FARS2: variants seen among roughly 807,000 people sequenced by gnomAD.
FARS2 encodes phenylalanine--tRNA ligase, mitochondrial.
A neutral mutation model predicts 46.4 loss-of-function variants in FARS2; 40 were observed. That is an observed-to-expected ratio of 0.86 (90% CI 0.67 to 1.12). FARS2 has a LOEUF of 1.12. Ranked by LOEUF, FARS2 falls within the 50% of genes most tolerant of loss-of-function variation. FARS2 has a pLI of 0.00. For missense variants in FARS2, 513 were observed against 567.9 expected, an observed-to-expected ratio of 0.90 and a Z score of 0.98; for synonymous variants, 234 against 214.9, an observed-to-expected ratio of 1.09 and a Z score of -0.78.
rs573606968 is a variant in FARS2 at position 5,431,813 on chromosome 6, T to G, written c.904+641T>G. On this transcript the variant is annotated intron_variant, in intron 4 of 6. Coordinates refer to ENST00000274680, the MANE Select transcript of FARS2 (RefSeq NM_006567.5). The stretch of plus-strand genomic sequence containing the variant: ...AAAATGATGGCTTCTAAATGTAATT[T>G]CAGAGCTGTGAGGTTTCTTTTTAAG... 6.2e-4 allele frequency: 263 copies of G among 427,502 alleles called. 2 individuals are homozygous for G. The highest frequency in any genetic ancestry group is 4.9e-3 in the African/African-American group (241 of 48,962). The allele number at this position is 427,502 out of a possible 1,614,324, so 26.5% of individuals were successfully genotyped here. A position where few individuals can be genotyped will look rare whatever the true frequency, so the allele number is the denominator to read the frequency against.
At chr6:5,610,911 T>C (rs1248714520) in intron 5 of FARS2, among the ~76,000 whole-genome samples, 2 of 152,234 alleles carry the variant, frequency 1.3e-5, no homozygotes, top group Admixed American at 1.3e-4. Flanking sequence ...CGACGTGGTA[T>C]GTCCACTAGC....
intron 1 of FARS2, among the ~76,000 whole-genome samples, chr6:5,360,692 G>T (rs1758240763): frequency 6.6e-6 from 1 of 152,126 alleles, no homozygotes; most frequent in African/African-American, 2.4e-5. Context: ...GATAATGTGT[G>T]ACCTTGTCCC....
At chr6:5,409,278 A>G (rs923773882) in intron 3 of FARS2, among the ~76,000 whole-genome samples, 11 of 151,952 alleles carry the variant, frequency 7.2e-5, no homozygotes, top group African/African-American at 2.7e-4. Context: ...TGAAACCCCC[A>G]TCTCTACTAA....
Position 5,324,826 on chromosome 6 carries a change from A to G in FARS2, c.-21-43724A>G, listed in dbSNP as rs1176849719. On this transcript the variant is annotated intron_variant, in intron 1 of 6. Transcript: ENST00000274680. ...GTGCCCCAAGGTCACTGTGTACTTC[A>G]CACTGTGCAGGGAGAGAGAGTCACA... is the stretch of plus-strand genomic sequence containing the variant. Among the ~76,000 whole-genome samples, 4 of 152,126 alleles carry G rather than the reference A, an allele frequency of 2.6e-5. No individual in the cohort carries two copies. The East Asian group carries it at 5.8e-4, about 22-fold the overall frequency.
intron 5 of FARS2, among the ~76,000 whole-genome samples, chr6:5,579,458 G>T (rs908214914): frequency 6.6e-6 from 1 of 152,084 alleles, no homozygotes; most frequent in Non-Finnish European, 1.5e-5. Context: ...ATTTTTAGTA[G>T]AGATGGGATT....
chr6:5,466,939 C>T, intron 4 of FARS2: 1 of 985,400 alleles, frequency 1.0e-6, no homozygotes, highest in Non-Finnish European at 1.2e-6. Context: ...TCTCTCTTTA[C>T]TAGCACAGCC....
intron 1 of FARS2, among the ~76,000 whole-genome samples, chr6:5,321,381 G>T (rs1769962173): frequency 6.6e-6 from 1 of 152,196 alleles, no homozygotes; most frequent in African/African-American, 2.4e-5. Flanking sequence ...GATCTAGAAG[G>T]ATGGGTGGGG....
Position 5,619,377 on chromosome 6 carries a change from C to A in FARS2, c.1217+6057C>A, listed in dbSNP as rs142864081. Among the ~76,000 whole-genome samples, 41 of 152,172 alleles carry A rather than the reference C, an allele frequency of 2.7e-4. No individual in the cohort carries two copies. The East Asian group carries it at 3.1e-3, about 11-fold the overall frequency. On this transcript the variant is annotated intron_variant, in intron 6 of 6. Coordinates refer to ENST00000274680, the MANE Select transcript of FARS2 (RefSeq NM_006567.5). ...TTTGAAAGGGTGGATTCACTGATGC[C>A]CCTAACCCGATTCTGCTCATAGACT... is the stretch of plus-strand genomic sequence containing the variant.
At chr6:5,706,341 G>A (rs997321251) in intron 6 of FARS2, among the ~76,000 whole-genome samples, 3 of 152,284 alleles carry the variant, frequency 2.0e-5, no homozygotes, top group South Asian at 2.1e-4. Context: ...TGTGTTAGAC[G>A]ACAGCTCTCT....
chr6:5,515,476 T>C (rs1448270132), intron 4 of FARS2, among the ~76,000 whole-genome samples: 1 of 152,234 alleles, frequency 6.6e-6, no homozygotes, highest in African/African-American at 2.4e-5. Context: ...TCACCCAGGC[T>C]GGAGTGCAGT....
At chr6:5,415,430 C>T (rs1444359988) in intron 3 of FARS2, among the ~76,000 whole-genome samples, 2 of 150,698 alleles carry the variant, frequency 1.3e-5, no homozygotes, top group African/African-American at 4.9e-5. Flanking sequence ...TTCTCTCCCA[C>T]CTCAGCCTCC....
chr6:5,381,001 TATTTATTTATTTATTA>T lies in FARS2; in HGVS notation c.612+11820_612+11835del, dbSNP rs774760462. ...TTATTTATTTATTTATTTATTTATT[TATTTATTTATTTATTA>T]TGAGACAGAGTCTCGCTCTGTCGCC... On this transcript the variant is annotated intron_variant, in intron 2 of 6. Transcript: ENST00000274680. 1.6e-4 allele frequency among the ~76,000 whole-genome samples: 23 copies of T among 143,068 alleles called. 1 individual carries two copies. Among genetic ancestry groups the T allele is most frequent in the South Asian group, 1.6e-3 (7 of 4,434 alleles). The allele number at this position is 143,068 out of a possible 152,430, so 93.9% of individuals were successfully genotyped here.
At chr6:5,688,835 CT>C (rs1018858760) in intron 6 of FARS2, among the ~76,000 whole-genome samples, 83 of 152,132 alleles carry the variant, frequency 5.5e-4, no homozygotes, top group African/African-American at 1.7e-3. Flanking sequence ...TGGTCCTGGA[CT>C]TTTTTTGGTT....
rs552432530 is a variant in FARS2 at position 5,466,710 on chromosome 6, T to C, written c.904+35538T>C. ...GGGGAGCTGGATAAAAATGCCTGTTTCCTTCCAGAGAGTCGAATGCAAGGC... is the reference window on the plus strand; with the variant it reads ...GGGGAGCTGGATAAAAATGCCTGTTCCCTTCCAGAGAGTCGAATGCAAGGC... On this transcript the variant is annotated intron_variant, in intron 4 of 6. Coordinates refer to ENST00000274680, the MANE Select transcript of FARS2 (RefSeq NM_006567.5). 1.1e-5 allele frequency: 11 copies of C among 984,160 alleles called. No individual in the cohort carries two copies. The African/African-American group carries it at 1.7e-4, about 16-fold the overall frequency. 61.0% of individuals were successfully genotyped at this position (984,160 alleles called of 1,614,324 possible).
At position 5,431,178 on chromosome 6, in the gene FARS2, A is replaced by G; in HGVS notation, c.904+6A>G. Reference sequence around the variant, plus strand: ...ACAACAACTGGTCAATTCAGGTAAAAAAGAATCCCACATTTTATTTACACG... The same window carrying G: ...ACAACAACTGGTCAATTCAGGTAAAGAAGAATCCCACATTTTATTTACACG... On this transcript the variant is annotated splice_donor_region_variant and intron_variant, in intron 4 of 6. Coordinates refer to ENST00000274680, the MANE Select transcript of FARS2 (RefSeq NM_006567.5). 1 of 1,613,482 alleles carries G rather than the reference A, an allele frequency of 6.2e-7. No individual in the cohort carries two copies. Among genetic ancestry groups the G allele is most frequent in the Non-Finnish European group, 8.5e-7 (1 of 1,179,586 alleles).
chr6:5,622,160 G>T (rs776403292), intron 6 of FARS2, among the ~76,000 whole-genome samples: 2 of 152,166 alleles, frequency 1.3e-5, no homozygotes, highest in Non-Finnish European at 2.9e-5. Flanking sequence ...TCTCACTAGG[G>T]GCCACTTATA....
chr6:5,450,681 CGTGTGGGAGGTA>C (rs1364248509), intron 4 of FARS2, among the ~76,000 whole-genome samples: 1 of 69,510 alleles, frequency 1.4e-5, no homozygotes, highest in Non-Finnish European at 3.2e-5. Context: ...CCAGACTTGG[CGTGTGGGAGGTA>C]GTGTGCCGCC....
intron 6 of FARS2, among the ~76,000 whole-genome samples, chr6:5,646,536 C>A (rs767258884): frequency 6.6e-6 from 1 of 152,108 alleles, no homozygotes. Context: ...AAAAGAATGC[C>A]TAGTAGGGTG....
chr6:5,269,082 C>T (rs540498007), intron 1 of FARS2, among the ~76,000 whole-genome samples: 1 of 152,168 alleles, frequency 6.6e-6, no homozygotes, highest in Non-Finnish European at 1.5e-5. Context: ...AGACTTGGAA[C>T]CAACCCAAAT....
Sources: allele counts gnomAD v4.1 joint callset (sites outside exome capture counted in the v4.1 genomes callset), GRCh38; gene constraint gnomAD v4.1.1; transcripts MANE v1.5; gene names NCBI Gene and HGNC (gene_info 2026-07-23, HGNC 2026-07-21).